Variants in ST8SIA1 observed in about 807,000 individuals in gnomAD.
The protein encoded by ST8SIA1 is alpha-N-acetylneuraminide alpha-2,8-sialyltransferase.
In ST8SIA1, 16 loss-of-function variants were observed where a neutral mutation model predicts 35.9. That is an observed-to-expected ratio of 0.45 (90% confidence interval 0.30 to 0.68). ST8SIA1 has a LOEUF of 0.68. Among genes scored for constraint, ST8SIA1 ranks in the 30% least tolerant of loss-of-function variants. The probability of loss-of-function intolerance (pLI) is 0.09; values close to 1 mark genes in which losing one functional copy is unlikely to be tolerated. For missense variants in ST8SIA1, 383 were observed against 453.6 expected, an observed-to-expected ratio of 0.84 and a Z score of 1.41; for synonymous variants, 170 against 169.6, an observed-to-expected ratio of 1.00 and a Z score of -0.02.
Position 22,201,960 on chromosome 12 carries a change from A to C in ST8SIA1, c.663T>G (p.Pro221=). 1 of 1,614,046 alleles carries C rather than the reference A, an allele frequency of 6.2e-7. No homozygotes were observed. The highest frequency in any genetic ancestry group is 8.5e-7 in the Non-Finnish European group (1 of 1,179,938). Residue 221 remains proline (P), a synonymous_variant, in exon 5 of 5, where the codon CCT becomes CCG. Coordinates refer to ENST00000396037, the MANE Select transcript of ST8SIA1 (RefSeq NM_003034.4). ...CTGTTCCTGTCTTCATAGAAAAGGC[A>C]GGCATGTAGATGTAACTGTGGTTAT... The part of the protein sequence containing the change: ...KIYNHSYIYM[P]AFSMKTGTEP...
chr12:22,255,697 T>A (rs914550884), intron 2 of ST8SIA1, among the ~76,000 whole-genome samples: 11 of 146,248 alleles, frequency 7.5e-5, no homozygotes, highest in Non-Finnish European at 1.5e-4. Flanking sequence ...AAAAAAAAAA[T>A]ACAAAGTAAA....
chr12:22,267,874 C>A (rs1865865733), intron 2 of ST8SIA1, among the ~76,000 whole-genome samples: 1 of 152,146 alleles, frequency 6.6e-6, no homozygotes, highest in Non-Finnish European at 1.5e-5. Flanking sequence ...TCAGATATGA[C>A]CTGAGGTCTT....
intron 1 of ST8SIA1, among the ~76,000 whole-genome samples, chr12:22,308,528 G>A (rs115748109): frequency 6.6e-6 from 1 of 151,976 alleles, no homozygotes; most frequent in Non-Finnish European, 1.5e-5. Context: ...CTAAATTAAA[G>A]AAAAATTCTT....
At chr12:22,264,609 G>A (rs112486115) in intron 2 of ST8SIA1, among the ~76,000 whole-genome samples, 1 of 151,702 alleles carries the variant, frequency 6.6e-6, no homozygotes, top group South Asian at 2.1e-4. Flanking sequence ...AAAATATCTG[G>A]TAATTAGTTC....
chr12:22,267,075 G>A (rs1186718530), intron 2 of ST8SIA1, among the ~76,000 whole-genome samples: 1 of 152,156 alleles, frequency 6.6e-6, no homozygotes, highest in East Asian at 1.9e-4. Context: ...CATTTGGCAA[G>A]TATTTATTGA....
intron 4 of ST8SIA1, among the ~76,000 whole-genome samples, chr12:22,224,348 C>T (rs66704558): frequency 0.075 from 11,249 of 150,152 alleles, 698 homozygotes; most frequent in African/African-American, 0.16. Flanking sequence ...TCTTACTCTG[C>T]GCCCAGGCTG....
chr12:22,294,499 C>A (rs556656247), intron 1 of ST8SIA1, among the ~76,000 whole-genome samples: 3 of 152,270 alleles, frequency 2.0e-5, no homozygotes, highest in Non-Finnish European at 4.4e-5. Flanking sequence ...AATAAAAAGT[C>A]TTTTCAAAGA....
chr12:22,288,866 G>A (rs984342178), intron 1 of ST8SIA1, among the ~76,000 whole-genome samples: 11 of 152,138 alleles, frequency 7.2e-5, no homozygotes, highest in African/African-American at 2.7e-4. Context: ...GGCTTCCAGA[G>A]ATGGTAAAGG....
intron 1 of ST8SIA1, among the ~76,000 whole-genome samples, chr12:22,302,653 A>G (rs1021317862): frequency 2.6e-5 from 4 of 152,220 alleles, no homozygotes; most frequent in African/African-American, 9.6e-5. Flanking sequence ...TTTAGAAAAG[A>G]AAAGGGGGAA....
intron 3 of ST8SIA1, among the ~76,000 whole-genome samples, chr12:22,254,212 G>T (rs1865703954): frequency 2.0e-5 from 3 of 151,950 alleles, no homozygotes; most frequent in Admixed American, 2.0e-4. Flanking sequence ...TCCTTTATTT[G>T]CTCCATAACA....
intron 2 of ST8SIA1, among the ~76,000 whole-genome samples, chr12:22,268,256 G>A (rs1250874773): frequency 6.6e-6 from 1 of 152,176 alleles, no homozygotes; most frequent in Non-Finnish European, 1.5e-5. Context: ...TGACAGAAAG[G>A]TTAAGGAAAT....
intron 2 of ST8SIA1, among the ~76,000 whole-genome samples, chr12:22,261,572 A>G (rs1468632442): frequency 6.6e-6 from 1 of 152,220 alleles, no homozygotes; most frequent in Non-Finnish European, 1.5e-5. Flanking sequence ...CAAATTGTTC[A>G]ATAATTAGTT....
chr12:22,260,344 T>C (rs1374579615), intron 2 of ST8SIA1, among the ~76,000 whole-genome samples: 2 of 152,128 alleles, frequency 1.3e-5, no homozygotes, highest in Non-Finnish European at 2.9e-5. Context: ...GTATTTTTTG[T>C]AGAGACGAGA....
intron 4 of ST8SIA1, among the ~76,000 whole-genome samples, chr12:22,213,385 T>A (rs369543538): frequency 6.6e-6 from 1 of 152,160 alleles, no homozygotes; most frequent in Non-Finnish European, 1.5e-5. Context: ...AATAATAAAA[T>A]ATGACTTACA....
intron 2 of ST8SIA1, among the ~76,000 whole-genome samples, chr12:22,277,058 G>C (rs1285075773): frequency 6.6e-6 from 1 of 152,134 alleles, no homozygotes; most frequent in African/African-American, 2.4e-5. Context: ...GGAATGGTTG[G>C]TGCATCCCTA....
chr12:22,241,071 C>T (rs1184249977), intron 4 of ST8SIA1, among the ~76,000 whole-genome samples: 1 of 151,390 alleles, frequency 6.6e-6, no homozygotes, highest in Non-Finnish European at 1.5e-5. Flanking sequence ...TAACCCTAAC[C>T]CTAACGCAAC....
In ST8SIA1 at chr12:22,248,899, T is replaced by C; in HGVS notation, c.584+107A>G. On this transcript the variant is annotated intron_variant, in intron 4 of 4. Transcript: ENST00000396037. ...CATCCTTCCTGCCTGTCCAGATGGT[T>C]TTCCTCTTGATTTCCCAAACTGAAT... 4.0e-6 allele frequency: 3 copies of C among 757,364 alleles called. No individual in the cohort carries two copies. The South Asian group carries it at 5.7e-5, about 14-fold the overall frequency. The allele number at this position is 757,364 out of a possible 1,614,324, so 46.9% of individuals were successfully genotyped here.
intron 4 of ST8SIA1, among the ~76,000 whole-genome samples, chr12:22,217,611 A>G (rs1865248268): frequency 1.3e-5 from 2 of 152,210 alleles, no homozygotes; most frequent in Admixed American, 1.3e-4. Context: ...CTCATTTGAA[A>G]AAAATAATAA....
rs75235543 is a variant in ST8SIA1, at chr12:22,272,534, G to A, written c.381+14615C>T. Among the ~76,000 whole-genome samples, 679 of 152,288 alleles carry A rather than the reference G, an allele frequency of 4.5e-3. 7 individuals carry two copies. The highest frequency in any genetic ancestry group is 8.3e-3 in the Non-Finnish European group (564 of 68,024). On this transcript the variant is annotated intron_variant, in intron 2 of 4. Transcript: ENST00000396037. Reference sequence around the variant, plus strand: ...GTTTCCTAAACATATTGGCTCCACGGCGCTACAAAGACTGAAAAGTATTTT... The same window carrying A: ...GTTTCCTAAACATATTGGCTCCACGACGCTACAAAGACTGAAAAGTATTTT...
Sources: gnomAD v4.1 joint callset for allele counts (sites outside exome capture counted in the v4.1 genomes callset) on GRCh38, gnomAD v4.1.1 for gene constraint, MANE v1.5 for transcripts, NCBI Gene and HGNC (gene_info 2026-07-23, HGNC 2026-07-21) for gene names.